Variants in BCAS3 observed in about 807,000 individuals in gnomAD.
The protein encoded by BCAS3 is BCAS4/BCAS3 fusion.
A neutral mutation model predicts 116.1 loss-of-function variants in BCAS3; 53 were observed. The ratio of observed to expected loss-of-function variants is 0.46; its 90% CI spans 0.37 to 0.57. The LOEUF (loss-of-function observed/expected upper bound fraction) is 0.57, where lower values mean the gene tolerates loss of function less well. BCAS3 is among the 20% of genes least tolerant of loss of function. BCAS3 has a pLI of 0.00. For missense variants in BCAS3, 917 were observed against 1,165.4 expected (o/e 0.79, Z 3.10); for synonymous variants, 391 against 408.2 (o/e 0.96, Z 0.51).
intron 17 of BCAS3, chr17:61,036,295 T>G (rs2067025151): frequency 6.6e-6 from 1 of 152,222 alleles, no homozygotes; most frequent in South Asian, 2.1e-4. Context: ...ATGCTAACAC[T>G]GGCAGTCAGA....
chr17:60,693,421 T>C (rs896572800), intron 4 of BCAS3, among the ~76,000 whole-genome samples: 9 of 151,916 alleles, frequency 5.9e-5, no homozygotes, highest in African/African-American at 2.2e-4. Flanking sequence ...TTTTGTATTT[T>C]TTTTTTTGAC....
intron 11 of BCAS3, among the ~76,000 whole-genome samples, chr17:60,909,731 T>C: frequency 6.6e-6 from 1 of 152,156 alleles, no homozygotes; most frequent in South Asian, 2.1e-4. Context: ...AATGTTTCTA[T>C]TAATGCATAT....
At chr17:61,246,888 T>C (rs2048017640) in intron 22 of BCAS3, among the ~76,000 whole-genome samples, 1 of 151,944 alleles carries the variant, frequency 6.6e-6, no homozygotes, top group African/African-American at 2.4e-5. Context: ...AGCCTGATGT[T>C]ATCCCATCAT....
At position 61,343,686 on chromosome 17, in the gene BCAS3, G is replaced by A. The variant is rs1344238722; in HGVS notation, c.2426-24641G>A. ...CTGCCACCTCTGAGTGTGATCAGAT[G>A]TCTCTCCTGTCAGATTCCCTTTCCA... On this transcript the variant is annotated intron_variant, in intron 22 of 23. Coordinates refer to ENST00000407086, the MANE Select transcript of BCAS3 (RefSeq NM_017679.5). The surrounding 1 kb of genome is among the most constrained non-coding windows in gnomAD (Gnocchi z 5.5). Among the ~76,000 whole-genome samples, 1 of 152,252 alleles carries A rather than the reference G, an allele frequency of 6.6e-6. No homozygotes were observed. Among genetic ancestry groups the A allele is most frequent in the Non-Finnish European group, 1.5e-5 (1 of 68,052 alleles).
chr17:61,379,330 G>C lies in BCAS3; in HGVS notation c.2593+10836G>C, dbSNP rs958474315. On this transcript the variant is annotated intron_variant, in intron 23 of 23. Coordinates refer to ENST00000407086, the MANE Select transcript of BCAS3 (RefSeq NM_017679.5). The surrounding 1 kb of genome is among the most constrained non-coding windows in gnomAD (Gnocchi z 5.5). ...CCTCTGCCTTCTCGAAACATGGCCC[G>C]AGATGTGGAGGCCACCCCCTGGATG... The C allele has an allele frequency of 6.6e-6, 1 of 152,164 alleles. No homozygotes were observed. The highest frequency in any genetic ancestry group is 2.4e-5 in the African/African-American group (1 of 41,396). 9.4% of individuals were successfully genotyped at this position (152,164 alleles called of 1,614,324 possible).
At chr17:61,245,633 G>A (rs187893011) in intron 22 of BCAS3, among the ~76,000 whole-genome samples, 9 of 152,254 alleles carry the variant, frequency 5.9e-5, no homozygotes, top group Admixed American at 5.2e-4. Flanking sequence ...TAGAAAAATT[G>A]TATATGTTCA....
chr17:61,069,176 G>A (rs1358461421), intron 19 of BCAS3, among the ~76,000 whole-genome samples: 1 of 152,084 alleles, frequency 6.6e-6, no homozygotes, highest in Non-Finnish European at 1.5e-5. Flanking sequence ...AATCATGCAA[G>A]ACCAACAAGA....
At position 61,051,537 on chromosome 17, in the gene BCAS3, A is replaced by C. The variant is rs2068856204; in HGVS notation, c.2029+10645A>C. 6.6e-6 allele frequency among the ~76,000 whole-genome samples: 1 copy of C among 152,244 alleles called. No homozygotes were observed. On this transcript the variant is annotated intron_variant, in intron 19 of 23. Transcript: ENST00000407086. The surrounding 1 kb of genome is among the most constrained non-coding windows in gnomAD (Gnocchi z 4.1). ...GATTTTGCAACTGAGTGAAAGGTAC[A>C]CAGAGTATCACTGTACTATTTTGCA...
intron 16 of BCAS3, among the ~76,000 whole-genome samples, chr17:61,025,004 A>G (rs956286236): frequency 6.6e-6 from 1 of 152,100 alleles, no homozygotes. Flanking sequence ...TGGTTAGTTC[A>G]GGTGTCTTGC....
intron 5 of BCAS3, among the ~76,000 whole-genome samples, chr17:60,711,074 T>G (rs913740716): frequency 2.0e-5 from 3 of 152,064 alleles, no homozygotes; most frequent in Non-Finnish European, 2.9e-5. Context: ...AGTGTGGGCA[T>G]TACAGGCATG....
At chr17:60,737,671 T>A (rs549175693) in intron 5 of BCAS3, among the ~76,000 whole-genome samples, 34 of 152,148 alleles carry the variant, frequency 2.2e-4, no homozygotes, top group African/African-American at 7.5e-4. Context: ...TTTAGAATTA[T>A]GTTGTTTAAT....
intron 22 of BCAS3, among the ~76,000 whole-genome samples, chr17:61,340,145 T>C (rs1182011793): frequency 6.6e-6 from 1 of 152,030 alleles, no homozygotes; most frequent in East Asian, 1.9e-4. Context: ...TCAAGGAGTT[T>C]TGATTAAGGG....
chr17:60,701,620 A>G (rs906734291), intron 4 of BCAS3, among the ~76,000 whole-genome samples: 1 of 152,178 alleles, frequency 6.6e-6, no homozygotes, highest in Non-Finnish European at 1.5e-5. Context: ...TCATGAATGC[A>G]TAAGATGTAT....
chr17:60,684,633 TCA>T (rs1157289645), intron 3 of BCAS3, among the ~76,000 whole-genome samples: 1 of 152,108 alleles, frequency 6.6e-6, no homozygotes, highest in Non-Finnish European at 1.5e-5. Flanking sequence ...ATTTCCTCTC[TCA>T]GAGTCTTAAC....
intron 22 of BCAS3, among the ~76,000 whole-genome samples, chr17:61,267,844 A>T (rs74557341): frequency 0.022 from 3,408 of 152,182 alleles, 145 homozygotes; most frequent in African/African-American, 0.076. Flanking sequence ...ACATGACCGT[A>T]GGGGAAGACT....
chr17:60,825,055 A>T (rs1386455790), intron 7 of BCAS3, among the ~76,000 whole-genome samples: 1 of 151,964 alleles, frequency 6.6e-6, no homozygotes, highest in East Asian at 1.9e-4. Context: ...AGTCCTAGCT[A>T]CGTGGGAGGC....
At chr17:61,182,228 A>C (rs771125959) in intron 22 of BCAS3, among the ~76,000 whole-genome samples, 1 of 152,124 alleles carries the variant, frequency 6.6e-6, no homozygotes, top group African/African-American at 2.4e-5. Context: ...GATATTCTAA[A>C]TTTTGTGAAA....
chr17:61,114,701 G>C (rs943007912), intron 22 of BCAS3, among the ~76,000 whole-genome samples: 1 of 152,046 alleles, frequency 6.6e-6, no homozygotes, highest in African/African-American at 2.4e-5. Flanking sequence ...TCCCCATAAA[G>C]CTACCAATGA....
In BCAS3 at chr17:61,229,732, T is replaced by G. The variant is rs2082559743; in HGVS notation, c.2426-138595T>G. ...AGCTCTAATAGTAGAGGAGAGATGC[T>G]TTATGCATCCCTCTTACCCCGTCTC... On this transcript the variant is annotated intron_variant, in intron 22 of 23. Coordinates refer to ENST00000407086, the MANE Select transcript of BCAS3 (RefSeq NM_017679.5). This position sits in a 1 kb window ranked among gnomAD's most constrained non-coding sequence, Gnocchi z 4.4. Among the ~76,000 whole-genome samples the G allele has an allele frequency of 1.3e-5, 2 of 152,220 alleles. No homozygotes were observed. Among genetic ancestry groups the G allele is most frequent in the African/African-American group, 4.8e-5 (2 of 41,450 alleles).
Sources: gnomAD v4.1 joint callset for allele counts (sites outside exome capture counted in the v4.1 genomes callset) on GRCh38, gnomAD v4.1.1 for gene constraint, Gnocchi (gnomAD v3.1) non-coding constraint, MANE v1.5 for transcripts, NCBI Gene and HGNC (gene_info 2026-07-23, HGNC 2026-07-21) for gene names.